The following XRCC3 variants were observed in gnomAD, a reference collection of about 807,000 sequenced individuals.
The protein encoded by XRCC3 is DNA repair protein XRCC3.
In XRCC3, 34 loss-of-function variants were observed where a neutral mutation model predicts 29.2. The ratio of observed to expected loss-of-function variants is 1.16; its 90% CI spans 0.88 to 1.55. The LOEUF is 1.55. Ranked by LOEUF, XRCC3 falls within the 40% of genes most tolerant of loss-of-function variation. The probability of loss-of-function intolerance (pLI) is 0.00; values close to 1 mark genes in which losing one functional copy is unlikely to be tolerated. For missense variants in XRCC3, 463 were observed against 467.6 expected, an observed-to-expected ratio of 0.99 and a Z score of 0.09; for synonymous variants, 223 against 211.3, an observed-to-expected ratio of 1.06 and a Z score of -0.48.
intron 8 of XRCC3, 42 bp from the exon 9 acceptor site, chr14:103,699,221 C>A (rs1450168254): frequency 6.5e-7 from 1 of 1,545,234 alleles, no homozygotes; most frequent in South Asian, 1.2e-5. Context: ...GGCTGAGGGT[C>A]TTCTCGATGG....
In XRCC3 at chr14:103,711,782, G is replaced by A. The variant is rs894428384; in HGVS notation, c.-260-215C>T. 2.9e-5 allele frequency: 13 copies of A among 447,818 alleles called. No homozygotes were observed. The East Asian group carries it at 6.3e-4, about 22-fold the overall frequency. The allele number at this position is 447,818 out of a possible 1,614,324, so 27.7% of individuals were successfully genotyped here. A position where few individuals can be genotyped will look rare whatever the true frequency, so the allele number is the denominator to read the frequency against. On this transcript the variant is annotated intron_variant, in intron 2 of 9. Coordinates refer to ENST00000555055, the MANE Select transcript of XRCC3 (RefSeq NM_005432.4). ...GAGAAGCTCAGCTCTTCTCCCCTCCGGCCTCAGCAGGCTGCTCAGGGACTC... is the reference window on the plus strand; with the variant it reads ...GAGAAGCTCAGCTCTTCTCCCCTCCAGCCTCAGCAGGCTGCTCAGGGACTC...
chr14:103,703,780 C>T (rs1368697467), intron 6 of XRCC3: 1 of 237,972 alleles, frequency 4.2e-6, no homozygotes, highest in African/African-American at 2.2e-5. Flanking sequence ...AGCGTTTCCT[C>T]TCTTCAAAGC....
chr14:103,710,673 C>T (rs1030129847), intron 4 of XRCC3: 8 of 217,120 alleles, frequency 3.7e-5, no homozygotes, highest in Non-Finnish European at 5.5e-5. Flanking sequence ...CCCCGGGAGG[C>T]GGAGCTTGCA....
At chr14:103,702,983 T>C in intron 7 of XRCC3, 190 bp downstream of exon 7, 1 of 836,468 alleles carries the variant, frequency 1.2e-6, no homozygotes. Context: ...CCAGTTCCTC[T>C]CAGTCACTCT....
Position 103,702,090 on chromosome 14 carries a change from T to C in XRCC3, c.561+1083A>G, listed in dbSNP as rs1368557114. The C allele has an allele frequency of 5.9e-5, 9 of 152,456 alleles. No homozygotes were observed. The East Asian group carries it at 1.7e-3, about 29-fold the overall frequency. The allele number at this position is 152,456 out of a possible 1,614,324, so 9.4% of individuals were successfully genotyped here. On this transcript the variant is annotated intron_variant, in intron 7 of 9. Coordinates refer to ENST00000555055, the MANE Select transcript of XRCC3 (RefSeq NM_005432.4). ...CCCTCCCAGGATGATGTCTATAAAC[T>C]AAGCACTGACAGCTCACAGCACTGC...
At chr14:103,702,318 C>G (rs1441935643) in intron 7 of XRCC3, 1 of 152,362 alleles carries the variant, frequency 6.6e-6, no homozygotes, top group Non-Finnish European at 1.5e-5. Flanking sequence ...AGCTGGGTGC[C>G]CAGCAGGCCT....
chr14:103,708,170 C>T (rs550640766), intron 5 of XRCC3: 7 of 382,740 alleles, frequency 1.8e-5, no homozygotes, highest in African/African-American at 6.2e-5. Context: ...GTGGTGGGAC[C>T]GTGGCCAGGG....
chr14:103,710,935 A>C, intron 4 of XRCC3, 98 bp downstream of exon 4: 1 of 1,262,278 alleles, frequency 7.9e-7, no homozygotes, highest in Non-Finnish European at 1.2e-6. Context: ...AGGGTAGGCA[A>C]AGGAAGGAAG....
intron 3 of XRCC3, 102 bp from the exon 4 acceptor site, chr14:103,711,347 C>A (rs1163650977): frequency 2.6e-5 from 17 of 662,786 alleles, no homozygotes; most frequent in Admixed American, 2.1e-4. Flanking sequence ...CAGCTTAGAA[C>A]CCATTCCAGA....
At position 103,698,569 on chromosome 14, in the gene XRCC3, C is replaced by A. The variant is rs1266862997; in HGVS notation, c.*229G>T. On this transcript the variant is annotated 3_prime_UTR_variant, in exon 10 of 10. Coordinates refer to ENST00000555055, the MANE Select transcript of XRCC3 (RefSeq NM_005432.4). ...TCAGCAGTGGGGACCAGGTACCCAGCAAGCGGGCCTGTCCCCAGACCCAGG... is the reference window on the plus strand; with the variant it reads ...TCAGCAGTGGGGACCAGGTACCCAGAAAGCGGGCCTGTCCCCAGACCCAGG... 6 of 578,908 alleles carry A rather than the reference C, an allele frequency of 1.0e-5. No individual in the cohort carries two copies. The African/African-American group carries it at 1.1e-4, about 11-fold the overall frequency. 35.9% of individuals were successfully genotyped at this position (578,908 alleles called of 1,614,324 possible). A position where few individuals can be genotyped will look rare whatever the true frequency, so the allele number is the denominator to read the frequency against.
chr14:103,703,445 T>C (rs2083312254), intron 6 of XRCC3, 118 bp from the exon 7 acceptor site: 5 of 1,257,004 alleles, frequency 4.0e-6, no homozygotes, highest in Non-Finnish European at 4.5e-6. Flanking sequence ...ACAGGTTCTT[T>C]GCCCCTCGCC....
In XRCC3 at chr14:103,708,548, T is replaced by C. The variant is rs369879767; in HGVS notation, c.167A>G (p.His56Arg). The C allele has an allele frequency of 2.6e-5, 42 of 1,613,952 alleles. No homozygotes were observed. Among genetic ancestry groups the C allele is most frequent in the Non-Finnish European group, 3.4e-5 (40 of 1,180,012 alleles). ...VWHLLRTASL[H>R]LRGSSILTAL... ...TGTAAGGATGCTGCTTCCCCGCAAG[T>C]GTAAGGAGGCCGTTCTCAGCAAGTG... Residue 56 changes from histidine to arginine, a missense_variant, in exon 5 of 10, where the codon CAC (histidine) becomes CGC (arginine). Coordinates refer to ENST00000555055, the MANE Select transcript of XRCC3 (RefSeq NM_005432.4).
Position 103,700,650 on chromosome 14 carries a change from T to C in XRCC3, c.562-1074A>G, listed in dbSNP as rs1049927458. 6 of 1,606,130 alleles carry C rather than the reference T, an allele frequency of 3.7e-6. No individual in the cohort carries two copies. The African/African-American group carries it at 5.4e-5, about 14-fold the overall frequency. ...GAGTGAAACTCGTCTGTGCTTCATC[T>C]CCAGGGCGTCTCTGGCCGAGCCTCT... On this transcript the variant is annotated intron_variant, in intron 7 of 9. Transcript: ENST00000555055.
At chr14:103,704,804 A>C (rs778617859) in intron 6 of XRCC3, 1 of 152,152 alleles carries the variant, frequency 6.6e-6, no homozygotes, top group Non-Finnish European at 1.5e-5. Flanking sequence ...TGATTTGAGT[A>C]ATAATAAAAC....
intron 5 of XRCC3, 44 bp from the exon 6 acceptor site, chr14:103,707,259 C>T (rs764678097): frequency 8.4e-6 from 13 of 1,545,406 alleles, no homozygotes; most frequent in Admixed American, 2.0e-5. Context: ...CCTGGGCCTG[C>T]GGGCAGGGCT....
intron 2 of XRCC3, chr14:103,712,446 A>T (rs1470170581): frequency 6.6e-6 from 1 of 152,654 alleles, no homozygotes; most frequent in African/African-American, 2.4e-5. Context: ...TCAAAAAGGA[A>T]TGCCACCTCC....
At chr14:103,710,885 T>A in intron 4 of XRCC3, 148 bp downstream of exon 4, 7 of 619,326 alleles carry the variant, frequency 1.1e-5, no homozygotes, top group Admixed American at 2.3e-5. Context: ...CACACACACC[T>A]GAAAATCCCA....
At chr14:103,703,773 G>A (rs1369027370) in intron 6 of XRCC3, 10 of 254,008 alleles carry the variant, frequency 3.9e-5, no homozygotes, top group African/African-American at 1.1e-4. Flanking sequence ...CTGAGCAAGC[G>A]TTTCCTCTCT....
At chr14:103,701,405 CT>C in intron 7 of XRCC3, 1 of 525,540 alleles carries the variant, frequency 1.9e-6, no homozygotes, top group Non-Finnish European at 3.3e-6. Context: ...AGCTGGTGCC[CT>C]GGTGCGGCGT....
Sources: allele counts gnomAD v4.1 joint callset, GRCh38; gene constraint gnomAD v4.1.1; transcripts MANE v1.5; gene names NCBI Gene and HGNC (gene_info 2026-07-23, HGNC 2026-07-21).